Variants in SPIDR observed in about 807,000 individuals in gnomAD.
The protein encoded by SPIDR is DNA repair-scaffolding protein.
In SPIDR, 93 loss-of-function variants were observed where a neutral mutation model predicts 104.6. The ratio of observed to expected loss-of-function variants is 0.89; its 90% CI spans 0.75 to 1.06. The LOEUF is 1.06. Ranked by LOEUF, SPIDR falls within the 50% of genes least tolerant of loss-of-function variation. SPIDR has a pLI of 0.00. For missense variants in SPIDR, 1,154 were observed against 1,111.2 expected (o/e 1.04, Z -0.55); for synonymous variants, 431 against 416.9 (o/e 1.03, Z -0.41).
intron 11 of SPIDR, among the ~76,000 whole-genome samples, chr8:47,691,134 A>G (rs900754448): frequency 1.3e-5 from 2 of 151,760 alleles, no homozygotes; most frequent in African/African-American, 4.8e-5. Context: ...TCTACTAAAA[A>G]TACAAAAATT....
chr8:47,261,390 A>G (rs2032248728), intron 1 of SPIDR, among the ~76,000 whole-genome samples: 1 of 151,934 alleles, frequency 6.6e-6, no homozygotes. Flanking sequence ...TCCACTGTCA[A>G]CTCTGTCTCT....
At chr8:47,263,791 C>T (rs2033193016) in intron 1 of SPIDR, among the ~76,000 whole-genome samples, 1 of 152,236 alleles carries the variant, frequency 6.6e-6, no homozygotes, top group Admixed American at 6.5e-5. Context: ...AATTTCACCT[C>T]CCAAATTATC....
At chr8:47,440,004 G>A (rs1339780728) in intron 7 of SPIDR, among the ~76,000 whole-genome samples, 1 of 152,166 alleles carries the variant, frequency 6.6e-6, no homozygotes, top group Non-Finnish European at 1.5e-5. Context: ...TTTCAGACTT[G>A]GAGTAAAACG....
At chr8:47,625,577 T>C (rs1205221276) in intron 10 of SPIDR, among the ~76,000 whole-genome samples, 1 of 151,934 alleles carries the variant, frequency 6.6e-6, no homozygotes, top group East Asian at 1.9e-4. Flanking sequence ...ATCACAAGCA[T>C]TCTTATACAC....
chr8:47,590,011 T>C (rs2060795335), intron 8 of SPIDR, among the ~76,000 whole-genome samples: 1 of 151,762 alleles, frequency 6.6e-6, no homozygotes, highest in Non-Finnish European at 1.5e-5. Context: ...GTCTCTACTT[T>C]AAAAATATAA....
At chr8:47,598,376 G>A (rs2061864359) in intron 9 of SPIDR, among the ~76,000 whole-genome samples, 1 of 152,106 alleles carries the variant, frequency 6.6e-6, no homozygotes, top group Admixed American at 6.5e-5. Context: ...GATTGTGTGA[G>A]GGTAAGCATG....
At chr8:47,418,249 C>A (rs1228873099) in intron 7 of SPIDR, among the ~76,000 whole-genome samples, 1 of 152,168 alleles carries the variant, frequency 6.6e-6, no homozygotes, top group African/African-American at 2.4e-5. Flanking sequence ...TTCTTCCTAT[C>A]CATGAGCATG....
chr8:47,623,943 G>T (rs560632917), intron 10 of SPIDR, among the ~76,000 whole-genome samples: 2 of 152,178 alleles, frequency 1.3e-5, no homozygotes, highest in African/African-American at 4.8e-5. Context: ...ATTCTTTTCA[G>T]CACCACAACA....
intron 5 of SPIDR, among the ~76,000 whole-genome samples, chr8:47,331,823 C>G (rs1554604749): frequency 2.0e-5 from 3 of 151,758 alleles, no homozygotes; most frequent in Non-Finnish European, 4.4e-5. Context: ...TAACACTTAG[C>G]TTAAAACATA....
At chr8:47,328,133 A>G (rs960106236) in intron 5 of SPIDR, among the ~76,000 whole-genome samples, 5 of 152,006 alleles carry the variant, frequency 3.3e-5, no homozygotes, top group African/African-American at 1.2e-4. Context: ...TATCTAAGAA[A>G]CAATTGCCAA....
intron 5 of SPIDR, among the ~76,000 whole-genome samples, chr8:47,316,212 C>T (rs117296437): frequency 1.9e-3 from 289 of 152,142 alleles, no homozygotes; most frequent in Admixed American, 3.7e-3. Flanking sequence ...TACTAAACAT[C>T]GTCAATTATT....
intron 5 of SPIDR, among the ~76,000 whole-genome samples, chr8:47,343,972 T>TA (rs2051312752): frequency 2.6e-5 from 4 of 151,630 alleles, no homozygotes; most frequent in African/African-American, 9.7e-5. Context: ...TTCTTTTTTT[T>TA]TTTATTATTA....
At chr8:47,713,757 T>C in intron 16 of SPIDR, 116 bp downstream of exon 16, 1 of 1,348,484 alleles carries the variant, frequency 7.4e-7, no homozygotes. Context: ...TTCCAGACAC[T>C]GGATACATAA....
At chr8:47,293,832 A>G in intron 4 of SPIDR, 35 bp from the exon 5 acceptor site, 1 of 1,564,024 alleles carries the variant, frequency 6.4e-7, no homozygotes, top group Non-Finnish European at 8.7e-7. Flanking sequence ...AAGATTAAGG[A>G]GATAATTAAG....
chr8:47,357,373 G>A (rs992476777), intron 5 of SPIDR, among the ~76,000 whole-genome samples: 2 of 152,146 alleles, frequency 1.3e-5, no homozygotes, highest in African/African-American at 4.8e-5. Context: ...CTGCTTATCT[G>A]TCCTGCGTGG....
intron 5 of SPIDR, among the ~76,000 whole-genome samples, chr8:47,319,408 A>G (rs943008348): frequency 2.0e-5 from 3 of 152,184 alleles, no homozygotes; most frequent in African/African-American, 7.2e-5. Flanking sequence ...GCCTAAATAT[A>G]TATGCACCCA....
At chr8:47,643,544 G>T (rs571878480) in intron 10 of SPIDR, among the ~76,000 whole-genome samples, 11 of 135,368 alleles carry the variant, frequency 8.1e-5, no homozygotes, top group African/African-American at 2.7e-4. Context: ...TGTTGTTGTT[G>T]TTTTCTAGAG....
At position 47,639,568 on chromosome 8, in the gene SPIDR, A is replaced by ACGTT. The variant is rs552748328; in HGVS notation, c.1545-34233_1545-34232insCGTT. Among the ~76,000 whole-genome samples the ACGTT allele has an allele frequency of 3.0e-3, 450 of 152,370 alleles. 3 individuals are homozygous for ACGTT. Among genetic ancestry groups the ACGTT allele is most frequent in the African/African-American group, 0.011 (440 of 41,586 alleles). Reference sequence around the variant, plus strand: ...CCTATAACTTCACTTCCACGTATCAAATATTAGATGTGGAATCTTCATATT... The same window carrying ACGTT: ...CCTATAACTTCACTTCCACGTATCAACGTTATATTAGATGTGGAATCTTCATATT... On this transcript the variant is annotated intron_variant, in intron 10 of 19. Transcript: ENST00000297423.
At chr8:47,655,656 T>TTTCTCCCA (rs1356760969) in intron 10 of SPIDR, among the ~76,000 whole-genome samples, 1 of 152,208 alleles carries the variant, frequency 6.6e-6, no homozygotes, top group Admixed American at 6.5e-5. Flanking sequence ...TTGCAAAAAT[T>TTTCTCCCA]TTCTCCCATT....
Sources: allele counts gnomAD v4.1 joint callset (sites outside exome capture counted in the v4.1 genomes callset), GRCh38; gene constraint gnomAD v4.1.1; transcripts MANE v1.5; gene names NCBI Gene and HGNC (gene_info 2026-07-23, HGNC 2026-07-21).